ARMC9: variants seen among roughly 807,000 people sequenced by gnomAD.
The protein encoded by ARMC9 is lisH domain-containing protein ARMC9.
In ARMC9, 94 loss-of-function variants were observed where a neutral mutation model predicts 107.0. The observed-to-expected ratio is 0.88, with a 90% CI of 0.74 to 1.04. The LOEUF (loss-of-function observed/expected upper bound fraction) is 1.04. Ranked by LOEUF, ARMC9 falls within the 50% of genes least tolerant of loss-of-function variation. The pLI is 0.00. For missense variants in ARMC9, 942 were observed against 1,030.1 expected (o/e 0.91, Z 1.17); for synonymous variants, 380 against 396.9 (o/e 0.96, Z 0.51).
chr2:231,281,933 A>T (rs1468856568), intron 16 of ARMC9, 126 bp from the exon 17 acceptor site: 3 of 826,174 alleles, frequency 3.6e-6, no homozygotes, highest in Non-Finnish European at 6.1e-6. Flanking sequence ...GGAGCACAGG[A>T]GAGCTGCGAG....
At chr2:231,258,869 G>T (rs1458185438) in intron 10 of ARMC9, 122 bp from the exon 11 acceptor site, 1 of 849,150 alleles carries the variant, frequency 1.2e-6, no homozygotes, top group Non-Finnish European at 1.9e-6. Flanking sequence ...TGGAAGCCGG[G>T]AGGTCATGCT....
At chr2:231,369,297 T>C (rs2045928344) in intron 23 of ARMC9, among the ~76,000 whole-genome samples, 1 of 152,026 alleles carries the variant, frequency 6.6e-6, no homozygotes, top group Non-Finnish European at 1.5e-5. Context: ...TCTTTTTTTT[T>C]ATTTTATTTT....
rs370517323 is a variant in ARMC9 at position 231,367,677 on chromosome 2, A to G, written c.2262-2276A>G. On this transcript the variant is annotated intron_variant, in intron 23 of 24. Transcript: ENST00000611582. ...AGATGGTAAATATTATGGATATTTT[A>G]CTACAATTTAAAATAAGTTAACTGG... 2.6e-5 allele frequency among the ~76,000 whole-genome samples: 4 copies of G among 152,272 alleles called. No individual in the cohort carries two copies. The East Asian group carries it at 5.8e-4, about 22-fold the overall frequency.
chr2:231,325,454 A>C (rs552757446), intron 19 of ARMC9, among the ~76,000 whole-genome samples: 2 of 152,120 alleles, frequency 1.3e-5, no homozygotes, highest in African/African-American at 4.8e-5. Context: ...TTTGTTTCTT[A>C]ATGTTTCGTA....
chr2:231,296,238 AGATGAAGAT>A lies in ARMC9; in HGVS notation c.1766_1773+1del. 1.9e-6 allele frequency: 3 copies of A among 1,613,350 alleles called. No homozygotes were observed. Among genetic ancestry groups the A allele is most frequent in the Non-Finnish European group, 2.5e-6 (3 of 1,179,480 alleles). On this transcript the variant is annotated inframe_deletion, in exon 19 of 25. Coordinates refer to ENST00000611582, the MANE Select transcript of ARMC9 (RefSeq NM_001352754.2). ...GTGTTCTTGAATCTGATGATGATGAAGATGAAGATGATGAAGTAAGTTGGAGGTTCTTGA... is the reference window on the plus strand; with the variant it reads ...GTGTTCTTGAATCTGATGATGATGAAGATGAAGTAAGTTGGAGGTTCTTGA...
At chr2:231,301,247 T>C (rs1201952343) in intron 19 of ARMC9, among the ~76,000 whole-genome samples, 2 of 152,272 alleles carry the variant, frequency 1.3e-5, no homozygotes, top group African/African-American at 4.8e-5. Context: ...TACTTTTTAA[T>C]GCTATGAATG....
chr2:231,238,229 T>G (rs1008602825), intron 8 of ARMC9, among the ~76,000 whole-genome samples: 29 of 151,844 alleles, frequency 1.9e-4, no homozygotes, highest in African/African-American at 6.8e-4. Flanking sequence ...AAGAAGAAAA[T>G]CTAGGGTAGA....
chr2:231,222,922 G>T, intron 6 of ARMC9, 102 bp downstream of exon 6: 1 of 682,676 alleles, frequency 1.5e-6, no homozygotes, highest in Non-Finnish European at 2.5e-6. Context: ...CATTAAATCG[G>T]GATAATTAAT....
chr2:231,297,670 G>A lies in ARMC9; in HGVS notation c.1773+1417G>A, dbSNP rs1306492895. ...AAATCATTCTTAGCTGGCGAGCATA[G>A]GAAAGCAGGCACCTGACTCGTGGGC... On this transcript the variant is annotated intron_variant, in intron 19 of 24. Coordinates refer to ENST00000611582, the MANE Select transcript of ARMC9 (RefSeq NM_001352754.2). This position sits in a 1 kb window ranked among gnomAD's most constrained non-coding sequence, Gnocchi z 4.2. Among the ~76,000 whole-genome samples, 1 of 152,198 alleles carries A rather than the reference G, an allele frequency of 6.6e-6. No individual in the cohort carries two copies. The highest frequency in any genetic ancestry group is 1.5e-5 in the Non-Finnish European group (1 of 68,040).
At chr2:231,270,366 G>A (rs1450071375) in intron 12 of ARMC9, among the ~76,000 whole-genome samples, 1 of 152,240 alleles carries the variant, frequency 6.6e-6, no homozygotes, top group Non-Finnish European at 1.5e-5. Flanking sequence ...AGTCACATGA[G>A]TGGGATCCAA....
intron 9 of ARMC9, among the ~76,000 whole-genome samples, chr2:231,248,087 T>G (rs2036939140): frequency 6.6e-6 from 1 of 152,162 alleles, no homozygotes; most frequent in Admixed American, 6.5e-5. Flanking sequence ...CGGGCTCAAC[T>G]TTTCCTCCAC....
At chr2:231,217,064 A>G (rs900896339) in intron 5 of ARMC9, among the ~76,000 whole-genome samples, 1 of 152,204 alleles carries the variant, frequency 6.6e-6, no homozygotes, top group Non-Finnish European at 1.5e-5. Context: ...TGTAATAGCA[A>G]AAACTAGGAA....
At chr2:231,209,566 C>T (rs538647926) in intron 3 of ARMC9, among the ~76,000 whole-genome samples, 7 of 152,126 alleles carry the variant, frequency 4.6e-5, no homozygotes, top group South Asian at 2.1e-4. Flanking sequence ...GACGGAGTTG[C>T]GCTCTGTTGC....
intron 8 of ARMC9, among the ~76,000 whole-genome samples, chr2:231,237,803 T>A (rs904332129): frequency 7.8e-6 from 1 of 127,612 alleles, no homozygotes; most frequent in African/African-American, 3.0e-5. Flanking sequence ...TTTTTTTTTT[T>A]TTTTTTTTTT....
chr2:231,217,157 T>C (rs753664400), intron 5 of ARMC9, among the ~76,000 whole-genome samples: 11 of 152,182 alleles, frequency 7.2e-5, no homozygotes, highest in Admixed American at 2.0e-4. Context: ...TCAATGAGAA[T>C]GAATGAACTA....
At chr2:231,239,211 A>T (rs965842396) in intron 8 of ARMC9, among the ~76,000 whole-genome samples, 11 of 152,150 alleles carry the variant, frequency 7.2e-5, no homozygotes, top group Admixed American at 1.3e-4. Context: ...AGCATACATT[A>T]TTTTTTTAAA....
chr2:231,360,178 G>A lies in ARMC9; in HGVS notation c.2132-576G>A, dbSNP rs547188628. Among the ~76,000 whole-genome samples, 2 of 152,244 alleles carry A rather than the reference G, an allele frequency of 1.3e-5. No homozygotes were observed. Among genetic ancestry groups the A allele is most frequent in the South Asian group, 4.2e-4 (2 of 4,814 alleles). On this transcript the variant is annotated intron_variant, in intron 22 of 24. Transcript: ENST00000611582. This position sits in a 1 kb window ranked among gnomAD's most constrained non-coding sequence, Gnocchi z 4.7. ...TGGGATTCTCCGTCTGCTTCCCCGT[G>A]AAGGGCTCCTGCGTGTCCCGGGTGG... is the stretch of plus-strand genomic sequence containing the variant.
intron 19 of ARMC9, among the ~76,000 whole-genome samples, chr2:231,307,561 G>A (rs985895970): frequency 1.3e-5 from 2 of 152,172 alleles, no homozygotes. Flanking sequence ...GGAAGACATG[G>A]CTAAAACATG....
At chr2:231,262,051 T>G (rs1401435459) in intron 11 of ARMC9, among the ~76,000 whole-genome samples, 1 of 152,122 alleles carries the variant, frequency 6.6e-6, no homozygotes, top group Non-Finnish European at 1.5e-5. Context: ...CTTGATCTCT[T>G]GACCTCGTGA....
Sources: allele counts gnomAD v4.1 joint callset (sites outside exome capture counted in the v4.1 genomes callset), GRCh38; gene constraint gnomAD v4.1.1; non-coding constraint Gnocchi (gnomAD v3.1); transcripts MANE v1.5; gene names NCBI Gene and HGNC (gene_info 2026-07-23, HGNC 2026-07-21).